The following TG variants were observed in gnomAD, a reference collection of about 807,000 sequenced individuals.
TG encodes the protein thyroid hormones.
In TG, 270 loss-of-function variants were observed where a neutral mutation model predicts 324.7. That is an observed-to-expected ratio of 0.83 (90% CI 0.75 to 0.92). TG has a LOEUF of 0.92. TG is among the 40% of genes least tolerant of loss of function. The pLI, the probability that TG is intolerant of heterozygous loss-of-function variation, is 0.00. For missense variants in TG, 3,591 were observed against 3,456.4 expected, an observed-to-expected ratio of 1.04 and a Z score of -0.98; for synonymous variants, 1,401 against 1,327.0, an observed-to-expected ratio of 1.06 and a Z score of -1.21.
chr8:132,960,762 C>T (rs1827628441), intron 27 of TG, among the ~76,000 whole-genome samples: 2 of 152,184 alleles, frequency 1.3e-5, no homozygotes, highest in Admixed American at 1.3e-4. Flanking sequence ...GTCATAGGTT[C>T]ACAACCCCTC....
At chr8:132,868,040 T>C (rs1839131884) in intron 1 of TG, 75 bp from the exon 2 acceptor site, 1 of 1,337,660 alleles carries the variant, frequency 7.5e-7, no homozygotes, top group East Asian at 2.3e-5. Flanking sequence ...AAAGCATCTG[T>C]GCTTATGAGA....
At chr8:133,003,480 T>C (rs1587735725) in intron 35 of TG, among the ~76,000 whole-genome samples, 1 of 152,062 alleles carries the variant, frequency 6.6e-6, no homozygotes, top group Admixed American at 6.5e-5. Context: ...GTGCCATATG[T>C]TAACTATAGT....
intron 40 of TG, among the ~76,000 whole-genome samples, chr8:133,027,403 T>G (rs1341969504): frequency 6.6e-5 from 10 of 152,178 alleles, no homozygotes; most frequent in Admixed American, 3.3e-4. Flanking sequence ...GTCTTGCCCC[T>G]GGGCCCAAGC....
rs2129753504 is a variant in TG, at chr8:132,935,829, A to G, written c.5006A>G (p.His1669Arg). The stretch of plus-strand genomic sequence containing the variant: ...CGCTGCCAGGTGAAAGTGAGGAGCC[A>G]TGGTCAAGATTCTCCAGCTGTGTAT... The part of the protein sequence containing the change: ...SLRCQVKVRS[H>R]GQDSPAVYLK... The change falls in exon 25 of 48, where the codon CAT (histidine) becomes CGT (arginine). Residue 1669 changes from histidine to arginine, a missense_variant. Coordinates refer to ENST00000220616, the MANE Select transcript of TG (RefSeq NM_003235.5). 2 of 1,612,744 alleles carry G rather than the reference A, an allele frequency of 1.2e-6. No homozygotes were observed. Among genetic ancestry groups the G allele is most frequent in the South Asian group, 1.1e-5 (1 of 91,012 alleles).
intron 41 of TG, among the ~76,000 whole-genome samples, chr8:133,079,136 G>A (rs1845359291): frequency 6.6e-6 from 1 of 152,174 alleles, no homozygotes; most frequent in South Asian, 2.1e-4. Flanking sequence ...CCCCCACCAA[G>A]GACGTCAAGT....
intron 41 of TG, among the ~76,000 whole-genome samples, chr8:133,066,687 T>C (rs867887649): frequency 1.1e-4 from 16 of 152,360 alleles, no homozygotes; most frequent in Middle Eastern, 3.4e-3. Flanking sequence ...CCCAACCTAC[T>C]GGCTGTGTAT....
At chr8:132,887,681 T>C (rs751686002) in intron 9 of TG, 133 bp downstream of exon 9, 21 of 1,209,698 alleles carry the variant, frequency 1.7e-5, no homozygotes, top group Non-Finnish European at 2.2e-5. Flanking sequence ...TGACTGCTTA[T>C]ATTAAAAATT....
chr8:133,015,524 G>A (rs576919685), intron 37 of TG, among the ~76,000 whole-genome samples: 77 of 152,280 alleles, frequency 5.1e-4, no homozygotes, highest in Admixed American at 7.8e-4. Flanking sequence ...CATTGAGTTG[G>A]GGATTCACTG....
intron 8 of TG, 168 bp downstream of exon 8, chr8:132,883,167 CA>C (rs1342511759): frequency 1.5e-6 from 1 of 686,702 alleles, no homozygotes; most frequent in Non-Finnish European, 2.4e-6. Flanking sequence ...TAACTTCCAA[CA>C]TGTTTCTCAT....
At chr8:133,096,546 A>C (rs1013711435) in intron 43 of TG, among the ~76,000 whole-genome samples, 173 bp downstream of exon 43, 1 of 152,202 alleles carries the variant, frequency 6.6e-6, no homozygotes, top group African/African-American at 2.4e-5. Flanking sequence ...AGACACTTGC[A>C]GGGTAGTGAG....
intron 35 of TG, among the ~76,000 whole-genome samples, chr8:133,011,496 C>A (rs556108441): frequency 2.6e-5 from 4 of 152,134 alleles, no homozygotes; most frequent in Non-Finnish European, 5.9e-5. Context: ...CTGTAAAGAC[C>A]TGAGCATAGT....
intron 35 of TG, among the ~76,000 whole-genome samples, chr8:132,988,400 G>A (rs1441990793): frequency 6.6e-6 from 1 of 152,204 alleles, no homozygotes. Flanking sequence ...AAGTAGCTCA[G>A]TGTTGCAGGA....
chr8:132,889,723 T>C (rs1375039406), intron 10 of TG, among the ~76,000 whole-genome samples: 1 of 152,216 alleles, frequency 6.6e-6, no homozygotes, highest in Non-Finnish European at 1.5e-5. Context: ...TTTGGTCCTA[T>C]TTGTATGCAA....
intron 35 of TG, among the ~76,000 whole-genome samples, chr8:133,007,409 C>G (rs1834115664): frequency 6.6e-6 from 1 of 151,360 alleles, no homozygotes; most frequent in Non-Finnish European, 1.5e-5. Flanking sequence ...TTTTTTTGTG[C>G]CCGTTAAAGT....
At chr8:133,123,151 C>T (rs1045837199) in intron 45 of TG, among the ~76,000 whole-genome samples, 2 of 152,022 alleles carry the variant, frequency 1.3e-5, no homozygotes, top group Non-Finnish European at 2.9e-5. Flanking sequence ...TGGTTGAGAA[C>T]CACTGCTGGA....
At chr8:133,037,700 CA>C (rs1837346821) in intron 41 of TG, 2 of 151,472 alleles carry the variant, frequency 1.3e-5, no homozygotes, top group Admixed American at 1.3e-4. Context: ...CCTATTCGGG[CA>C]ATAAATGAAT....
chr8:132,937,614 TC>T (rs1326602846), intron 25 of TG, among the ~76,000 whole-genome samples: 1 of 152,212 alleles, frequency 6.6e-6, no homozygotes, highest in East Asian at 1.9e-4. Context: ...GTCCTGTTTT[TC>T]TTTTTAAATA....
chr8:132,875,609 T>C (rs974601795), intron 5 of TG, among the ~76,000 whole-genome samples: 1 of 152,226 alleles, frequency 6.6e-6, no homozygotes, highest in Admixed American at 6.5e-5. Context: ...AAGACCCTGG[T>C]GTGTGCCACA....
rs373033070 is a variant in TG at position 132,961,950 on chromosome 8, C to T, written c.5467+877C>T. Among the ~76,000 whole-genome samples, 5 of 152,128 alleles carry T rather than the reference C, an allele frequency of 3.3e-5. No homozygotes were observed. The South Asian group carries it at 8.3e-4, about 25-fold the overall frequency. ...TTCCTATCAATCCCCATTCATGTGC[C>T]TGGGAGCCCATGGACCAGCCCCTCA... On this transcript the variant is annotated intron_variant, in intron 28 of 47. Transcript: ENST00000220616.
Sources: allele counts gnomAD v4.1 joint callset (sites outside exome capture counted in the v4.1 genomes callset), GRCh38; gene constraint gnomAD v4.1.1; transcripts MANE v1.5; gene names NCBI Gene and HGNC (gene_info 2026-07-23, HGNC 2026-07-21).